PAK3: variants seen among roughly 807,000 people sequenced by gnomAD.
The protein encoded by PAK3 is serine/threonine-protein kinase PAK 3.
PAK3 carries 4 observed loss-of-function variants against 41.0 expected under a neutral mutation model. That is an observed-to-expected ratio of 0.10 (90% CI 0.05 to 0.22). PAK3 has a LOEUF of 0.22. PAK3 is among the 10% of genes least tolerant of loss of function. The pLI is 1.00. For synonymous variants in PAK3, 146 were observed against 139.6 expected (o/e 1.05, Z -0.32); for missense variants, 205 against 409.9 (o/e 0.50, Z 4.32).
intron 11 of PAK3, among the ~76,000 whole-genome samples, chrX:111,182,827 A>G (rs1271821445): frequency 2.7e-5 from 3 of 111,714 alleles, no homozygotes; most frequent in Non-Finnish European, 5.6e-5. Context: ...AACTAACAGC[A>G]GTTCATTTTC....
At chrX:111,168,789 C>G (rs1416270770) in intron 10 of PAK3, among the ~76,000 whole-genome samples, 1 of 111,497 alleles carries the variant, frequency 9.0e-6, no homozygotes, top group African/African-American at 3.3e-5. Flanking sequence ...AAAAAAGTTG[C>G]TTAGCAACTT....
chrX:111,072,415 T>C (rs1267224059), intron 1 of PAK3, among the ~76,000 whole-genome samples: 2 of 112,843 alleles, frequency 1.8e-5, no homozygotes, highest in Non-Finnish European at 3.7e-5. Flanking sequence ...CTCATGTCAA[T>C]TCACAACAAG....
intron 1 of PAK3, among the ~76,000 whole-genome samples, chrX:111,088,018 T>C (rs941876120): frequency 4.4e-4 from 49 of 110,855 alleles, no homozygotes; most frequent in African/African-American, 1.4e-3. Flanking sequence ...CAAATTTTGC[T>C]GCACATCGGA....
chrX:111,014,666 A>G (rs1164319439), intron 1 of PAK3, among the ~76,000 whole-genome samples: 1 of 111,518 alleles, frequency 9.0e-6, no homozygotes, highest in East Asian at 2.8e-4. Context: ...TTCCCCACAC[A>G]ACTGGGACAT....
At chrX:111,032,559 G>T (rs190167155) in intron 1 of PAK3, among the ~76,000 whole-genome samples, 6 of 111,660 alleles carry the variant, frequency 5.4e-5, no homozygotes, top group Non-Finnish European at 1.1e-4. Flanking sequence ...CTATGTACTT[G>T]TTTAGATCAA....
chrX:111,159,833 T>A (rs1001061623), intron 8 of PAK3, among the ~76,000 whole-genome samples: 2 of 112,189 alleles, frequency 1.8e-5, no homozygotes, highest in Non-Finnish European at 3.8e-5. Context: ...TATAAACCAC[T>A]TAGCATTTAT....
intron 11 of PAK3, among the ~76,000 whole-genome samples, chrX:111,176,415 A>G (rs2094405786): frequency 1.8e-5 from 2 of 110,831 alleles, no homozygotes; most frequent in Non-Finnish European, 3.8e-5. Flanking sequence ...TGATGAGTTC[A>G]TAGGTGCAGC....
chrX:111,178,999 A>G (rs953039041), intron 11 of PAK3, among the ~76,000 whole-genome samples: 2 of 101,767 alleles, frequency 2.0e-5, no homozygotes, highest in African/African-American at 7.4e-5. Flanking sequence ...AGATATCTGT[A>G]TATCTATATA....
intron 6 of PAK3, chrX:111,145,014 C>T: frequency 1.9e-6 from 1 of 515,456 alleles, no homozygotes. Context: ...CACTGGACAA[C>T]CCCCAGCTTA....
intron 1 of PAK3, among the ~76,000 whole-genome samples, chrX:111,011,719 C>T (rs2092014028): frequency 8.9e-6 from 1 of 112,262 alleles, no homozygotes. Context: ...GGTTCAAATC[C>T]TCCCACAACC....
chrX:111,070,869 C>T (rs2092738275), intron 1 of PAK3, among the ~76,000 whole-genome samples: 1 of 112,033 alleles, frequency 8.9e-6, no homozygotes, highest in South Asian at 3.8e-4. Flanking sequence ...TCATGATGCT[C>T]TCCAAAGAGC....
At chrX:111,109,653 G>C (rs149242285) in intron 4 of PAK3, among the ~76,000 whole-genome samples, 60 of 111,739 alleles carry the variant, frequency 5.4e-4, no homozygotes, top group African/African-American at 1.6e-3. Context: ...GGGGTGGTGA[G>C]TAGAAGAGAT....
chrX:111,185,884 A>G (rs1019583815), intron 11 of PAK3, among the ~76,000 whole-genome samples: 2 of 111,154 alleles, frequency 1.8e-5, no homozygotes, highest in Non-Finnish European at 3.8e-5. Flanking sequence ...ATATTGGTGC[A>G]AAAATCCCCA....
chrX:111,030,194 C>A (rs1053651686), intron 1 of PAK3, among the ~76,000 whole-genome samples: 8 of 110,668 alleles, frequency 7.2e-5, no homozygotes, highest in Admixed American at 9.7e-5. Context: ...ATATTTTATG[C>A]ATTCATAACA....
At chrX:111,064,148 G>T (rs2092682271) in intron 1 of PAK3, among the ~76,000 whole-genome samples, 1 of 111,672 alleles carries the variant, frequency 9.0e-6, no homozygotes, top group African/African-American at 3.3e-5. Context: ...TGTATAATTT[G>T]GGCTCTGACA....
intron 5 of PAK3, among the ~76,000 whole-genome samples, chrX:111,140,143 T>C (rs1458960719): frequency 6.3e-5 from 7 of 111,492 alleles, no homozygotes; most frequent in African/African-American, 2.3e-4. Flanking sequence ...AAGTATTTGG[T>C]CCCCCAACAT....
intron 1 of PAK3, among the ~76,000 whole-genome samples, chrX:111,067,818 A>G (rs913980689): frequency 9.0e-6 from 1 of 110,586 alleles, no homozygotes; most frequent in African/African-American, 3.3e-5. Flanking sequence ...AGATTAGTCT[A>G]TAATTTTCTT....
chrX:110,986,479 A>G (rs1182574529), intron 1 of PAK3, among the ~76,000 whole-genome samples: 1 of 112,115 alleles, frequency 8.9e-6, no homozygotes. Context: ...GCTCATGGGC[A>G]TAACAGAAAT....
At chrX:110,999,962 T>G (rs372958500) in intron 1 of PAK3, among the ~76,000 whole-genome samples, 7 of 111,663 alleles carry the variant, frequency 6.3e-5, no homozygotes, top group African/African-American at 2.3e-4. Flanking sequence ...AGTGAGACTC[T>G]GTCTCAAAAA....
Sources: gnomAD v4.1 joint callset for allele counts (sites outside exome capture counted in the v4.1 genomes callset) on GRCh38, gnomAD v4.1.1 for gene constraint, MANE v1.5 for transcripts, NCBI Gene and HGNC (gene_info 2026-07-23, HGNC 2026-07-21) for gene names.